The following ZBTB20 variants were observed in gnomAD, a reference collection of about 807,000 sequenced individuals.
The protein encoded by ZBTB20 is zinc finger and BTB domain containing 20.
Under a neutral mutation model 56.9 loss-of-function variants are expected in ZBTB20, and 9 were observed. The observed-to-expected ratio is 0.16, with a 90% confidence interval of 0.10 to 0.28. The LOEUF (loss-of-function observed/expected upper bound fraction) is 0.28, where lower values mean the gene tolerates loss of function less well. Among genes scored for constraint, ZBTB20 ranks in the 10% least tolerant of loss-of-function variants. The probability of loss-of-function intolerance (pLI) is 1.00; values close to 1 mark genes in which losing one functional copy is unlikely to be tolerated. For synonymous variants in ZBTB20, 417 were observed against 420.7 expected (o/e 0.99, Z 0.11); for missense variants, 655 against 1,003.0 (o/e 0.65, Z 4.69).
intron 1 of ZBTB20, among the ~76,000 whole-genome samples, chr3:115,078,383 T>A (rs545011432): frequency 1.3e-5 from 2 of 152,214 alleles, no homozygotes; most frequent in Admixed American, 1.3e-4. Context: ...AAATTCTTTA[T>A]GAGAAATTAT....
chr3:114,614,415 A>C (rs2057774827), intron 6 of ZBTB20, among the ~76,000 whole-genome samples: 1 of 152,210 alleles, frequency 6.6e-6, no homozygotes, highest in Admixed American at 6.5e-5. Flanking sequence ...GAAAGTAAAA[A>C]GTTTAGTCTC....
At chr3:115,072,814 A>G (rs1576711067) in intron 1 of ZBTB20, among the ~76,000 whole-genome samples, 1 of 152,302 alleles carries the variant, frequency 6.6e-6, no homozygotes, top group African/African-American at 2.4e-5. Flanking sequence ...AGTACACACA[A>G]TAGACTTGGC....
chr3:114,431,221 A>T (rs1418986532), intron 7 of ZBTB20, among the ~76,000 whole-genome samples: 2 of 152,152 alleles, frequency 1.3e-5, no homozygotes, highest in Non-Finnish European at 2.9e-5. Flanking sequence ...CAGAAAGTGA[A>T]ACGATGAAAA....
intron 6 of ZBTB20, among the ~76,000 whole-genome samples, chr3:114,574,721 T>A (rs1247630840): frequency 6.6e-6 from 1 of 152,212 alleles, no homozygotes; most frequent in Non-Finnish European, 1.5e-5. Context: ...TTCTGATTTA[T>A]TCTGCACACT....
chr3:114,594,689 G>A (rs901902957), intron 6 of ZBTB20, among the ~76,000 whole-genome samples: 2 of 151,980 alleles, frequency 1.3e-5, no homozygotes, highest in African/African-American at 4.8e-5. Flanking sequence ...GCAAAAAGAG[G>A]GTAAGGTCTT....
intron 4 of ZBTB20, chr3:114,861,688 C>CAA (rs2075537083): frequency 1.5e-5 from 1 of 67,894 alleles, no homozygotes; most frequent in Non-Finnish European, 4.4e-5. Flanking sequence ...ACCACACACA[C>CAA]ACACACACAC....
At chr3:114,684,029 A>C (rs912384395) in intron 6 of ZBTB20, among the ~76,000 whole-genome samples, 2 of 152,112 alleles carry the variant, frequency 1.3e-5, no homozygotes, top group African/African-American at 4.8e-5. Context: ...ATTATATTCC[A>C]AACAAGTTGT....
At chr3:115,087,086 T>G (rs1422681382) in intron 1 of ZBTB20, among the ~76,000 whole-genome samples, 1 of 151,826 alleles carries the variant, frequency 6.6e-6, no homozygotes, top group East Asian at 1.9e-4. Flanking sequence ...TTATAAACTT[T>G]ATGGAAGTCT....
intron 4 of ZBTB20, among the ~76,000 whole-genome samples, chr3:114,869,679 G>C (rs1488333389): frequency 6.6e-6 from 1 of 152,116 alleles, no homozygotes; most frequent in Non-Finnish European, 1.5e-5. Flanking sequence ...TTCTGTGCAA[G>C]TCTTTCTGAT....
chr3:114,647,803 C>T (rs1419820875), intron 6 of ZBTB20, among the ~76,000 whole-genome samples: 1 of 152,006 alleles, frequency 6.6e-6, no homozygotes, highest in Non-Finnish European at 1.5e-5. Context: ...GATATGTAAT[C>T]CTGAGGGCAC....
At chr3:114,763,510 T>G (rs533460580) in intron 5 of ZBTB20, among the ~76,000 whole-genome samples, 1 of 152,162 alleles carries the variant, frequency 6.6e-6, no homozygotes. Flanking sequence ...ACATAGAATA[T>G]AGAAATCCCC....
chr3:114,937,584 G>C (rs1016028769), intron 3 of ZBTB20, among the ~76,000 whole-genome samples: 10 of 151,882 alleles, frequency 6.6e-5, no homozygotes, highest in African/African-American at 2.4e-4. Flanking sequence ...ACCACATCCT[G>C]TTAATTTTTT....
At chr3:114,876,084 A>T (rs531183066) in intron 4 of ZBTB20, among the ~76,000 whole-genome samples, 81 of 151,984 alleles carry the variant, frequency 5.3e-4, no homozygotes, top group African/African-American at 1.8e-3. Flanking sequence ...AATTTTTTTT[A>T]AAATTAGCGG....
At chr3:114,703,892 C>G (rs1381266141) in intron 5 of ZBTB20, among the ~76,000 whole-genome samples, 1 of 152,152 alleles carries the variant, frequency 6.6e-6, no homozygotes, top group African/African-American at 2.4e-5. Flanking sequence ...AGTTGCAAAT[C>G]ACAGCCTGTG....
chr3:115,106,327 G>A (rs774179693), intron 1 of ZBTB20, among the ~76,000 whole-genome samples: 8 of 146,658 alleles, frequency 5.5e-5, no homozygotes, highest in East Asian at 2.1e-4. Context: ...TCTGCCTCCC[G>A]GGTTCACACC....
chr3:115,023,117 T>C (rs976122711), intron 2 of ZBTB20, among the ~76,000 whole-genome samples: 19 of 150,870 alleles, frequency 1.3e-4, no homozygotes, highest in African/African-American at 3.9e-4. Flanking sequence ...GAGGGAAGAA[T>C]TCATTTTAAC....
chr3:114,607,591 T>C (rs370971247), intron 6 of ZBTB20, among the ~76,000 whole-genome samples: 10 of 152,190 alleles, frequency 6.6e-5, no homozygotes, highest in East Asian at 3.9e-4. Context: ...GTGTGAGCCA[T>C]CACGCCCAGC....
At chr3:114,905,737 G>A (rs1002851863) in intron 3 of ZBTB20, among the ~76,000 whole-genome samples, 1 of 151,692 alleles carries the variant, frequency 6.6e-6, no homozygotes, top group African/African-American at 2.4e-5. Context: ...CTCTTAATCA[G>A]TACAAACTTA....
In ZBTB20 at chr3:114,949,956, CAA is replaced by C. The variant is rs370273294; in HGVS notation, c.-456+24408_-456+24409del. ...ACAATACCTTTCAACATGCACATCA[CAA>C]AAGAGGATACCCAAGTGGAAAATAA... On this transcript the variant is annotated intron_variant, in intron 3 of 11. Coordinates refer to ENST00000675478, the MANE Select transcript of ZBTB20 (RefSeq NM_001348800.3). 4.9e-4 allele frequency among the ~76,000 whole-genome samples: 74 copies of C among 152,118 alleles called. No homozygotes were observed. In the East Asian group the frequency reaches 0.013, roughly 26 times the overall value.
Sources: allele counts gnomAD v4.1 joint callset (sites outside exome capture counted in the v4.1 genomes callset), GRCh38; gene constraint gnomAD v4.1.1; transcripts MANE v1.5; gene names NCBI Gene and HGNC (gene_info 2026-07-23, HGNC 2026-07-21).